RIMS2: variants seen among roughly 807,000 people sequenced by gnomAD.
The protein encoded by RIMS2 is regulating synaptic membrane exocytosis protein 2.
Under a neutral mutation model 174.4 loss-of-function variants are expected in RIMS2, and 59 were observed. The observed-to-expected ratio is 0.34, with a 90% CI of 0.27 to 0.42. The LOEUF is 0.42. Among genes scored for constraint, RIMS2 ranks in the 10% least tolerant of loss-of-function variants. The pLI is 1.00. For synonymous variants in RIMS2, 606 were observed against 572.5 expected (o/e 1.06, Z -0.84); for missense variants, 1,620 against 1,666.3 (o/e 0.97, Z 0.48).
intron 3 of RIMS2, among the ~76,000 whole-genome samples, chr8:103,840,053 G>A (rs572737310): frequency 6.6e-6 from 1 of 152,266 alleles, no homozygotes; most frequent in African/African-American, 2.4e-5. Context: ...GCTTTCTCAA[G>A]AATCTCAGCC....
chr8:103,893,633 A>C (rs1490361559), intron 4 of RIMS2, among the ~76,000 whole-genome samples: 1 of 152,116 alleles, frequency 6.6e-6, no homozygotes, highest in East Asian at 1.9e-4. Flanking sequence ...TGAATGGTTA[A>C]AAAAACTTAA....
At chr8:103,534,377 A>T (rs1838818505) in intron 1 of RIMS2, among the ~76,000 whole-genome samples, 1 of 152,222 alleles carries the variant, frequency 6.6e-6, no homozygotes, top group Admixed American at 6.5e-5. Flanking sequence ...CAAAAGACAT[A>T]TACATATTTC....
rs183819472 is a variant in RIMS2, at chr8:103,585,759, A to G, written c.176+84697A>G. 4.9e-4 allele frequency among the ~76,000 whole-genome samples: 74 copies of G among 152,138 alleles called. No individual in the cohort carries two copies. In the East Asian group the frequency reaches 0.013, roughly 27 times the overall value. ...TGGGGGCAAGGGGAGGGAGTGCATT[A>G]AGATAAATACCTAATGCATGCGGGG... On this transcript the variant is annotated intron_variant, in intron 1 of 23. Transcript: ENST00000504942.
chr8:103,667,918 G>A (rs2096693938), intron 1 of RIMS2, among the ~76,000 whole-genome samples: 1 of 152,186 alleles, frequency 6.6e-6, no homozygotes, highest in South Asian at 2.1e-4. Context: ...GTTGCAGTGT[G>A]GGTGGCAGGG....
intron 19 of RIMS2, among the ~76,000 whole-genome samples, chr8:104,161,346 A>G (rs76123584): frequency 6.6e-6 from 1 of 152,190 alleles, no homozygotes; most frequent in Non-Finnish European, 1.5e-5. Context: ...AGACTCAGAA[A>G]TATGGAAAGG....
chr8:103,538,497 C>G (rs190145194), intron 1 of RIMS2, among the ~76,000 whole-genome samples: 5 of 144,000 alleles, frequency 3.5e-5, no homozygotes, highest in South Asian at 2.4e-4. Context: ...CTCTTCCCCC[C>G]CAAGTCCCCA....
At chr8:104,113,701 A>T (rs2098233629) in intron 19 of RIMS2, among the ~76,000 whole-genome samples, 1 of 151,632 alleles carries the variant, frequency 6.6e-6, no homozygotes, top group South Asian at 2.1e-4. Context: ...ATATATATAC[A>T]TATAATATGT....
intron 19 of RIMS2, among the ~76,000 whole-genome samples, chr8:104,052,267 T>C (rs1284690116): frequency 6.6e-6 from 1 of 152,218 alleles, no homozygotes. Flanking sequence ...AAATCTGACT[T>C]TTAAAATTAT....
intron 3 of RIMS2, among the ~76,000 whole-genome samples, chr8:103,794,569 C>T (rs928125604): frequency 7.2e-5 from 11 of 152,142 alleles, no homozygotes; most frequent in Admixed American, 6.5e-4. Flanking sequence ...CAACAAAAGC[C>T]AGAATAGACT....
intron 3 of RIMS2, among the ~76,000 whole-genome samples, chr8:103,825,058 T>C (rs2098779829): frequency 6.6e-6 from 1 of 152,106 alleles, no homozygotes; most frequent in African/African-American, 2.4e-5. Flanking sequence ...GCTCCTTGAA[T>C]TAGGGGCTAC....
chr8:104,141,614 G>A (rs373142101), intron 19 of RIMS2, among the ~76,000 whole-genome samples: 3 of 152,142 alleles, frequency 2.0e-5, no homozygotes, highest in African/African-American at 4.8e-5. Flanking sequence ...CGAGTAAGTC[G>A]TGCAGGCCAT....
Position 104,093,401 on chromosome 8 carries a change from G to T in RIMS2, c.3334+78786G>T, listed in dbSNP as rs2097696555. The T allele has an allele frequency of 2.8e-6, 3 of 1,085,250 alleles. No individual in the cohort carries two copies. In the Admixed American group the frequency reaches 6.8e-5, roughly 24 times the overall value. The allele number at this position is 1,085,250 out of a possible 1,614,324, so 67.2% of individuals were successfully genotyped here. On this transcript the variant is annotated intron_variant, in intron 19 of 23. Coordinates refer to ENST00000504942, the Ensembl canonical transcript of RIMS2. ...GTGGACAATTAAAGTGATGAAATAGGAGAAAGCTAATAATTGCTTTGTGTG... is the reference window on the plus strand; with the variant it reads ...GTGGACAATTAAAGTGATGAAATAGTAGAAAGCTAATAATTGCTTTGTGTG...
intron 1 of RIMS2, among the ~76,000 whole-genome samples, chr8:103,646,099 A>C (rs1325837560): frequency 6.6e-6 from 1 of 152,122 alleles, no homozygotes; most frequent in Non-Finnish European, 1.5e-5. Flanking sequence ...AGGATGAGCC[A>C]GGAGAAGGAA....
chr8:103,509,720 G>T (rs553044134), intron 1 of RIMS2, among the ~76,000 whole-genome samples: 162 of 152,056 alleles, frequency 1.1e-3, no homozygotes, highest in African/African-American at 3.5e-3. Flanking sequence ...TTAAGAAAAG[G>T]TTTACACAGG....
chr8:103,877,063 G>T (rs938630378), intron 3 of RIMS2, among the ~76,000 whole-genome samples: 1 of 150,068 alleles, frequency 6.7e-6, no homozygotes, highest in African/African-American at 2.4e-5. Context: ...CTTTTCCCTT[G>T]GGTAGATACC....
At chr8:104,145,160 T>C (rs1283025279) in intron 19 of RIMS2, among the ~76,000 whole-genome samples, 2 of 152,206 alleles carry the variant, frequency 1.3e-5, no homozygotes, top group African/African-American at 4.8e-5. Flanking sequence ...AATTGTGCAA[T>C]AAATATCATT....
intron 1 of RIMS2, among the ~76,000 whole-genome samples, chr8:103,519,875 G>A (rs902702720): frequency 6.6e-6 from 1 of 151,750 alleles, no homozygotes; most frequent in African/African-American, 2.4e-5. Context: ...CATCTGGTTA[G>A]AGCTTAGGGG....
chr8:103,921,650 T>C, intron 9 of RIMS2, 22 bp from the exon 13 acceptor site: 1 of 891,006 alleles, frequency 1.1e-6, no homozygotes, highest in Non-Finnish European at 1.9e-6. Context: ...TTATTATTCG[T>C]TATGTGTAAT....
intron 3 of RIMS2, among the ~76,000 whole-genome samples, chr8:103,805,780 T>G (rs2098646061): frequency 6.6e-6 from 1 of 152,140 alleles, no homozygotes; most frequent in South Asian, 2.1e-4. Context: ...CTCATTGATA[T>G]TTTCAAATTC....
Sources: gnomAD v4.1 joint callset for allele counts (sites outside exome capture counted in the v4.1 genomes callset) on GRCh38, gnomAD v4.1.1 for gene constraint, MANE v1.5 for transcripts, NCBI Gene and HGNC (gene_info 2026-07-23, HGNC 2026-07-21) for gene names.